Variants in ITGB5 observed in about 807,000 individuals in gnomAD.
ITGB5 encodes integrin subunit beta 5.
In ITGB5, 38 loss-of-function variants were observed where a neutral mutation model predicts 84.8. The observed-to-expected ratio is 0.45, with a 90% CI of 0.35 to 0.59. The LOEUF (loss-of-function observed/expected upper bound fraction) is 0.59. Ranked by LOEUF, ITGB5 falls within the 20% of genes least tolerant of loss-of-function variation. The pLI, the probability that ITGB5 is intolerant of heterozygous loss-of-function variation, is 0.01. For synonymous variants in ITGB5, 393 were observed against 414.4 expected, an observed-to-expected ratio of 0.95 and a Z score of 0.63; for missense variants, 905 against 1,034.5, an observed-to-expected ratio of 0.87 and a Z score of 1.72.
At chr3:124,878,366 T>C (rs1934419049) in intron 1 of ITGB5, among the ~76,000 whole-genome samples, 1 of 152,250 alleles carries the variant, frequency 6.6e-6, no homozygotes, top group African/African-American at 2.4e-5. Flanking sequence ...GATAGTCACC[T>C]GGTATGAAAA....
At chr3:124,768,429 C>A (rs1394947163) in intron 12 of ITGB5, among the ~76,000 whole-genome samples, 2 of 152,248 alleles carry the variant, frequency 1.3e-5, no homozygotes, top group African/African-American at 4.8e-5. Flanking sequence ...TTCTCCCTAG[C>A]ATCAGGACAC....
At chr3:124,878,935 T>C (rs115427530) in intron 1 of ITGB5, among the ~76,000 whole-genome samples, 1,970 of 152,336 alleles carry the variant, frequency 0.013, 59 homozygotes, top group African/African-American at 0.043. Context: ...GTTTGCATAG[T>C]GACTATTCCC....
chr3:124,796,658 T>C lies in ITGB5; in HGVS notation c.1423A>G (p.Arg475Gly). The C allele has an allele frequency of 6.2e-7, 1 of 1,614,058 alleles. No individual in the cohort carries two copies. Among genetic ancestry groups the C allele is most frequent in the Middle Eastern group, 1.7e-4 (1 of 6,044 alleles). Reference sequence around the variant, plus strand: ...ACATAGGTCCCGCTCCCGTTGCACCTGGCGCTGTTGGGTTCCAGCCCCACG... The same window carrying C: ...ACATAGGTCCCGCTCCCGTTGCACCCGGCGCTGTTGGGTTCCAGCCCCACG... Reference protein sequence around the residue: ...CSVGLEPNSARCNGSGTYVCG... With the variant: ...CSVGLEPNSAGCNGSGTYVCG... Residue 475 changes from arginine (R) to glycine (G), a missense_variant, in exon 10 of 15, where the codon AGG becomes GGG. Arg to Gly is a moderately radical substitution (Grantham distance 125, BLOSUM62 -2). Coordinates refer to ENST00000296181, the MANE Select transcript of ITGB5 (RefSeq NM_002213.5).
upstream of ITGB5, among the ~76,000 whole-genome samples, chr3:124,890,837 T>C (rs1934985339): frequency 6.6e-6 from 1 of 152,204 alleles, no homozygotes; most frequent in Non-Finnish European, 1.5e-5. Flanking sequence ...AGCTTTTGCT[T>C]TGTGGTTTAT....
At chr3:124,763,858 G>T in intron 14 of ITGB5, 140 bp from the exon 15 acceptor site, 2 of 595,864 alleles carry the variant, frequency 3.4e-6, no homozygotes, top group Non-Finnish European at 6.1e-6. Context: ...AGACGGCCGT[G>T]GGCTCTAGGA....
intron 2 of ITGB5, among the ~76,000 whole-genome samples, chr3:124,872,787 A>C (rs1468035798): frequency 6.6e-6 from 1 of 151,910 alleles, no homozygotes; most frequent in East Asian, 1.9e-4. Context: ...TGATTTATTT[A>C]GTAGAGATAG....
intron 2 of ITGB5, among the ~76,000 whole-genome samples, chr3:124,859,721 T>TAA (rs1430926438): frequency 6.6e-6 from 1 of 152,218 alleles, no homozygotes; most frequent in Non-Finnish European, 1.5e-5. Context: ...AAAATGCTCC[T>TAA]AACTGCCTAC....
chr3:124,794,608 C>A (rs1383513099), intron 10 of ITGB5, among the ~76,000 whole-genome samples: 2 of 151,700 alleles, frequency 1.3e-5, no homozygotes, highest in African/African-American at 4.8e-5. Context: ...TGGGGAAACC[C>A]CATATCTATT....
upstream of ITGB5, among the ~76,000 whole-genome samples, chr3:124,890,508 A>G (rs1400989428): frequency 3.9e-5 from 6 of 152,042 alleles, no homozygotes; most frequent in South Asian, 2.1e-4. Flanking sequence ...CTTATCTAGC[A>G]TTCTTTAAGC....
At chr3:124,870,230 T>C (rs1475442901) in intron 2 of ITGB5, among the ~76,000 whole-genome samples, 1 of 152,208 alleles carries the variant, frequency 6.6e-6, no homozygotes, top group East Asian at 1.9e-4. Context: ...AAGGAGATGA[T>C]GATTTAGTTG....
chr3:124,867,427 C>G (rs1473867166), intron 2 of ITGB5, among the ~76,000 whole-genome samples: 1 of 152,238 alleles, frequency 6.6e-6, no homozygotes, highest in Non-Finnish European at 1.5e-5. Flanking sequence ...TCTGCAAACC[C>G]TAAGTGCAAT....
At chr3:124,834,068 G>A (rs947050127) in intron 5 of ITGB5, among the ~76,000 whole-genome samples, 1 of 152,144 alleles carries the variant, frequency 6.6e-6, no homozygotes, top group African/African-American at 2.4e-5. Flanking sequence ...GATTCCGGGG[G>A]AGGAAGCAGG....
rs1171419751 is a variant in ITGB5, at chr3:124,773,794, C to T, written c.1812G>A (p.Glu604=). ...ACTGCCCACAGAGACAGTGCCCACG[C>T]TCGCTGCAGATCTGGCCATCTCTGC... is the stretch of plus-strand genomic sequence containing the variant. The part of the protein sequence containing the change: ...CRGRDGQICS[E]RGHCLCGQCQ... The change falls in exon 11 of 15, where the codon GAG becomes GAA. Residue 604 remains glutamate (E), a synonymous_variant. Transcript: ENST00000296181. 6.2e-7 allele frequency: 1 copy of T among 1,613,918 alleles called. No homozygotes were observed. Among genetic ancestry groups the T allele is most frequent in the South Asian group, 1.1e-5 (1 of 91,076 alleles).
intron 1 of ITGB5, among the ~76,000 whole-genome samples, chr3:124,881,343 A>G (rs188331126): frequency 4.6e-5 from 7 of 152,262 alleles, no homozygotes. Flanking sequence ...AGAAGGGATC[A>G]TCTGAGTACC....
At chr3:124,829,970 C>T (rs1440867125) in intron 5 of ITGB5, among the ~76,000 whole-genome samples, 3 of 152,206 alleles carry the variant, frequency 2.0e-5, no homozygotes, top group African/African-American at 4.8e-5. Flanking sequence ...GGAAGACCAG[C>T]CCTTCCCAGT....
chr3:124,777,320 G>A lies in ITGB5; in HGVS notation c.1694-3408C>T, dbSNP rs1319904111. 2.6e-5 allele frequency among the ~76,000 whole-genome samples: 4 copies of A among 152,232 alleles called. No individual in the cohort carries two copies. In the East Asian group the frequency reaches 7.7e-4, roughly 29 times the overall value. On this transcript the variant is annotated intron_variant, in intron 10 of 14. Coordinates refer to ENST00000296181, the MANE Select transcript of ITGB5 (RefSeq NM_002213.5). ...CCAGCCCGTTTCTGGGGGTGAGCCA[G>A]TGGGAGCCACGGAGGGGCTGTGGGA...
intron 8 of ITGB5, among the ~76,000 whole-genome samples, chr3:124,814,192 C>T (rs1306916030): frequency 6.6e-6 from 1 of 152,138 alleles, no homozygotes; most frequent in Non-Finnish European, 1.5e-5. Context: ...AGGAAACCAA[C>T]ATACCCCTGA....
intron 8 of ITGB5, among the ~76,000 whole-genome samples, chr3:124,815,681 GGCTCACA>G (rs1559948966): frequency 1.3e-5 from 2 of 152,082 alleles, no homozygotes; most frequent in African/African-American, 4.8e-5. Context: ...AGACCCAAGC[GGCTCACA>G]GCTCACACCA....
chr3:124,811,623 AC>A (rs1389953933), intron 8 of ITGB5, among the ~76,000 whole-genome samples: 1 of 152,092 alleles, frequency 6.6e-6, no homozygotes, highest in African/African-American at 2.4e-5. Flanking sequence ...TTGGACTCCT[AC>A]TCTGTGAGTC....
Sources: gnomAD v4.1 joint callset for allele counts (sites outside exome capture counted in the v4.1 genomes callset) on GRCh38, gnomAD v4.1.1 for gene constraint, MANE v1.5 for transcripts, NCBI Gene and HGNC (gene_info 2026-07-23, HGNC 2026-07-21) for gene names.